Variants in EDNRA observed in about 807,000 individuals in gnomAD.
The protein encoded by EDNRA is endothelin receptor type A, also known as endothelin-1 receptor.
A neutral mutation model predicts 41.4 loss-of-function variants in EDNRA; 11 were observed. The ratio of observed to expected loss-of-function variants is 0.27; its 90% CI spans 0.17 to 0.44. The LOEUF is 0.44. Among genes scored for constraint, EDNRA ranks in the 20% least tolerant of loss-of-function variants. EDNRA has a pLI of 1.00. For synonymous variants in EDNRA, 172 were observed against 183.0 expected (o/e 0.94, Z 0.49); for missense variants, 294 against 531.0 (o/e 0.55, Z 4.39).
intron 2 of EDNRA, among the ~76,000 whole-genome samples, chr4:147,504,041 A>C (rs1310381994): frequency 6.6e-6 from 1 of 152,214 alleles, no homozygotes; most frequent in Middle Eastern, 3.2e-3. Context: ...CGTCTGGCTT[A>C]ATAGAAGACA....
intron 7 of EDNRA, among the ~76,000 whole-genome samples, chr4:147,541,033 A>G (rs1039327101): frequency 7.6e-6 from 1 of 131,566 alleles, no homozygotes; most frequent in African/African-American, 3.0e-5. Flanking sequence ...GCGCCACTGC[A>G]CTCCAGCCTG....
At chr4:147,531,191 T>C (rs189341591) in intron 3 of EDNRA, among the ~76,000 whole-genome samples, 129 of 152,354 alleles carry the variant, frequency 8.5e-4, no homozygotes, top group African/African-American at 2.8e-3. Context: ...ATTGACATAA[T>C]CATTCAGTCA....
At chr4:147,530,721 T>A (rs947815616) in intron 3 of EDNRA, among the ~76,000 whole-genome samples, 1 of 152,182 alleles carries the variant, frequency 6.6e-6, no homozygotes, top group Non-Finnish European at 1.5e-5. Context: ...ACAGATGTAC[T>A]GTGTAAATGT....
rs1422176394 is a variant in EDNRA at position 147,540,405 on chromosome 4, A to G, written c.1063A>G (p.Ile355Val). ...SFLLLMDYIG[I>V]NLATMNSCIN... ...CTTACTGCTCATGGATTACATCGGTATTAACTTGGCAACCATGAATTCATG... is the reference window on the plus strand; with the variant it reads ...CTTACTGCTCATGGATTACATCGGTGTTAACTTGGCAACCATGAATTCATG... The change falls in exon 7 of 8, where the codon ATT (isoleucine) becomes GTT (valine). Residue 355 changes from isoleucine (I) to valine (V), a missense_variant. Physicochemically the swap from Ile to Val is conservative, Grantham distance 29 (BLOSUM62 3). Transcript: ENST00000651419. The G allele has an allele frequency of 1.9e-6, 3 of 1,613,692 alleles. No homozygotes were observed. Among genetic ancestry groups the G allele is most frequent in the Non-Finnish European group, 1.7e-6 (2 of 1,179,786 alleles).
chr4:147,506,473 C>A, intron 2 of EDNRA: 1 of 352,534 alleles, frequency 2.8e-6, no homozygotes, highest in Non-Finnish European at 5.6e-6. Flanking sequence ...AAAGTTGTAA[C>A]AGCCAGTTTT....
chr4:147,517,837 A>C (rs1308812830), intron 2 of EDNRA, among the ~76,000 whole-genome samples: 1 of 152,202 alleles, frequency 6.6e-6, no homozygotes, highest in Non-Finnish European at 1.5e-5. Context: ...AAAAGGAAAA[A>C]ATGTAATTGA....
chr4:147,485,165 A>G (rs1728899898), intron 1 of EDNRA, among the ~76,000 whole-genome samples: 1 of 152,260 alleles, frequency 6.6e-6, no homozygotes. Context: ...CTGAATGTAG[A>G]GAAAGAAGTA....
chr4:147,540,986 T>G (rs1731081620), intron 7 of EDNRA, among the ~76,000 whole-genome samples: 1 of 139,130 alleles, frequency 7.2e-6, no homozygotes, highest in Non-Finnish European at 1.5e-5. Flanking sequence ...GAGAATGGCG[T>G]GAACCCAAGA....
intron 3 of EDNRA, among the ~76,000 whole-genome samples, chr4:147,526,357 C>T (rs1730548398): frequency 6.6e-6 from 1 of 152,158 alleles, no homozygotes; most frequent in South Asian, 2.1e-4. Context: ...GGTTGGTGGA[C>T]TTCAGCTGAC....
chr4:147,484,628 A>G (rs913112422), intron 1 of EDNRA, among the ~76,000 whole-genome samples: 3 of 152,192 alleles, frequency 2.0e-5, no homozygotes, highest in African/African-American at 4.8e-5. Context: ...CATAAAATAA[A>G]TGTAGCTATA....
Position 147,486,068 on chromosome 4 carries a change from T to C in EDNRA, c.387T>C (p.Tyr129=). The C allele has an allele frequency of 6.2e-7, 1 of 1,613,936 alleles. No homozygotes were observed. Among genetic ancestry groups the C allele is most frequent in the Admixed American group, 1.7e-5 (1 of 60,022 alleles). The change falls in exon 2 of 8, where the codon TAT becomes TAC. Residue 129 remains tyrosine (Y), a synonymous_variant. Transcript: ENST00000651419. This position sits in a 1 kb window ranked among gnomAD's most constrained non-coding sequence, Gnocchi z 4.3. ...GTCTTGCCCTTGGAGACCTTATCTA[T>C]GTGGTCATTGATCTCCCTATCAATG... ...IASLALGDLI[Y]VVIDLPINVF...
chr4:147,513,518 A>C (rs994559277), intron 2 of EDNRA, among the ~76,000 whole-genome samples: 3 of 152,214 alleles, frequency 2.0e-5, no homozygotes, highest in Non-Finnish European at 4.4e-5. Flanking sequence ...TGTCCTGGGC[A>C]TCACAATCTT....
rs1731160874 is a variant in EDNRA at position 147,542,914 on chromosome 4, A to C, written c.*296A>C. 4.3e-6 allele frequency: 1 copy of C among 234,662 alleles called. No individual in the cohort carries two copies. The highest frequency in any genetic ancestry group is 8.2e-6 in the Non-Finnish European group (1 of 121,580). The allele number at this position is 234,662 out of a possible 1,614,324, so 14.5% of individuals were successfully genotyped here. On this transcript the variant is annotated 3_prime_UTR_variant, in exon 8 of 8. Coordinates refer to ENST00000651419, the MANE Select transcript of EDNRA (RefSeq NM_001957.4). ...GTTAAATGAAACCAGAAGGATATTT[A>C]CTACTTTTGCATGAAAATAGAGCTT...
chr4:147,496,678 T>C (rs1429481918), intron 2 of EDNRA, among the ~76,000 whole-genome samples: 2 of 152,218 alleles, frequency 1.3e-5, no homozygotes, highest in East Asian at 3.8e-4. Context: ...TGGAATCCTA[T>C]GATGCCTGTA....
intron 2 of EDNRA, among the ~76,000 whole-genome samples, chr4:147,502,859 C>A (rs1408847023): frequency 6.6e-6 from 1 of 151,912 alleles, no homozygotes; most frequent in Non-Finnish European, 1.5e-5. Flanking sequence ...TGTATTTAGC[C>A]TAATTGCTGA....
chr4:147,487,814 G>A (rs2126375408), intron 2 of EDNRA, among the ~76,000 whole-genome samples: 1 of 152,288 alleles, frequency 6.6e-6, no homozygotes, highest in East Asian at 1.9e-4. Context: ...ATAAATACAT[G>A]TGTTTTCTAT....
At chr4:147,498,247 G>T (rs979261355) in intron 2 of EDNRA, among the ~76,000 whole-genome samples, 3 of 152,310 alleles carry the variant, frequency 2.0e-5, no homozygotes, top group East Asian at 3.9e-4. Flanking sequence ...GTGAGTCATT[G>T]ACACTTTTCC....
chr4:147,499,125 A>G (rs1729415607), intron 2 of EDNRA, among the ~76,000 whole-genome samples: 1 of 152,130 alleles, frequency 6.6e-6, no homozygotes, highest in African/African-American at 2.4e-5. Context: ...GCATAACCAC[A>G]GCTCCCTGCT....
At chr4:147,522,228 T>C (rs537838007) in intron 3 of EDNRA, among the ~76,000 whole-genome samples, 3 of 152,278 alleles carry the variant, frequency 2.0e-5, no homozygotes, top group East Asian at 1.9e-4. Flanking sequence ...TTAGGCCCTA[T>C]TGAAAATACT....
Sources: gnomAD v4.1 joint callset for allele counts (sites outside exome capture counted in the v4.1 genomes callset) on GRCh38, gnomAD v4.1.1 for gene constraint, Gnocchi (gnomAD v3.1) non-coding constraint, MANE v1.5 for transcripts, NCBI Gene and HGNC (gene_info 2026-07-23, HGNC 2026-07-21) for gene names.